KIAA0319: variants seen among roughly 807,000 people sequenced by gnomAD.
The protein encoded by KIAA0319 is KIAA0319, also known as dyslexia-associated protein KIAA0319.
KIAA0319 carries 83 observed loss-of-function variants against 108.4 expected under a neutral mutation model. That is an observed-to-expected ratio of 0.77 (90% CI 0.64 to 0.92). KIAA0319 has a LOEUF of 0.92. KIAA0319 is among the 40% of genes least tolerant of loss of function. The probability of loss-of-function intolerance (pLI) is 0.00; values close to 1 mark genes in which losing one functional copy is unlikely to be tolerated. For missense variants in KIAA0319, 1,195 were observed against 1,322.4 expected, an observed-to-expected ratio of 0.90 and a Z score of 1.49; for synonymous variants, 484 against 510.4, an observed-to-expected ratio of 0.95 and a Z score of 0.70.
chr6:24,616,025 T>C (rs1249736847), intron 1 of KIAA0319, among the ~76,000 whole-genome samples: 1 of 152,250 alleles, frequency 6.6e-6, no homozygotes, highest in Non-Finnish European at 1.5e-5. Flanking sequence ...CAGTGCTTTC[T>C]AGAACTGAAA....
Position 24,569,891 on chromosome 6 carries a change from G to A in KIAA0319, c.1991+12C>T, listed in dbSNP as rs755107346. 4.3e-6 allele frequency: 7 copies of A among 1,613,690 alleles called. No homozygotes were observed. The highest frequency in any genetic ancestry group is 1.1e-5 in the South Asian group (1 of 91,014). On this transcript the variant is annotated intron_variant, in intron 12 of 20. Coordinates refer to ENST00000378214, the MANE Select transcript of KIAA0319 (RefSeq NM_014809.4). Reference sequence around the variant, plus strand: ...ATGGGCATGAACCTAGCTCAGTGGCGAGACAGACTACCTGACGTGCTCCCA... The same window carrying A: ...ATGGGCATGAACCTAGCTCAGTGGCAAGACAGACTACCTGACGTGCTCCCA...
At chr6:24,577,102 C>T (rs1765660621) in intron 9 of KIAA0319, among the ~76,000 whole-genome samples, 1 of 152,150 alleles carries the variant, frequency 6.6e-6, no homozygotes, top group Non-Finnish European at 1.5e-5. Flanking sequence ...GCTTTTGCTG[C>T]TGTTGGCTAT....
intron 20 of KIAA0319, among the ~76,000 whole-genome samples, chr6:24,550,339 C>G (rs1276512856): frequency 6.6e-6 from 1 of 152,258 alleles, no homozygotes; most frequent in Non-Finnish European, 1.5e-5. Flanking sequence ...GCATTCAACA[C>G]TCACTGTGAA....
chr6:24,643,537 A>G (rs1777232183), intron 1 of KIAA0319, among the ~76,000 whole-genome samples: 2 of 152,138 alleles, frequency 1.3e-5, no homozygotes, highest in Admixed American at 6.6e-5. Context: ...AATTGACATG[A>G]TTTTATGATT....
At chr6:24,565,934 G>A (rs1561945994) in intron 14 of KIAA0319, among the ~76,000 whole-genome samples, 1 of 152,148 alleles carries the variant, frequency 6.6e-6, no homozygotes, top group Non-Finnish European at 1.5e-5. Context: ...AAATACGAAG[G>A]ATGGAAAAGC....
rs1768102655 is a variant in KIAA0319 at position 24,589,439 on chromosome 6, C to G, written c.802-654G>C. 2.6e-5 allele frequency among the ~76,000 whole-genome samples: 4 copies of G among 152,174 alleles called. No individual in the cohort carries two copies. In the South Asian group the frequency reaches 8.3e-4, roughly 31 times the overall value. On this transcript the variant is annotated intron_variant, in intron 3 of 20. Coordinates refer to ENST00000378214, the MANE Select transcript of KIAA0319 (RefSeq NM_014809.4). ...CTGATATGGCTAGGCTTTGTGCCCC[C>G]ACCCAAATCTCATCTTGAATTATAA...
intron 17 of KIAA0319, among the ~76,000 whole-genome samples, chr6:24,557,001 TCCAGACCA>T (rs1762391994): frequency 6.6e-6 from 1 of 152,126 alleles, no homozygotes; most frequent in South Asian, 2.1e-4. Flanking sequence ...GGTCAGGAGA[TCCAGACCA>T]TCCTGACCAA....
At chr6:24,626,454 C>T (rs1406617196) in intron 1 of KIAA0319, among the ~76,000 whole-genome samples, 1 of 152,152 alleles carries the variant, frequency 6.6e-6, no homozygotes, top group Non-Finnish European at 1.5e-5. Flanking sequence ...ATCGCTTGAA[C>T]CTGGCAGGTG....
rs758447360 is a variant in KIAA0319, at chr6:24,547,136, G to C, written c.*29C>G. 6.2e-7 allele frequency: 1 copy of C among 1,611,310 alleles called. No homozygotes were observed. Among genetic ancestry groups the C allele is most frequent in the South Asian group, 1.1e-5 (1 of 90,896 alleles). ...CACTGACTGGTCTTGGATTCAAGGG[G>C]TCCTTCCACTTTACAATGAACTGCG... On this transcript the variant is annotated 3_prime_UTR_variant, in exon 21 of 21. Coordinates refer to ENST00000378214, the MANE Select transcript of KIAA0319 (RefSeq NM_014809.4).
intron 1 of KIAA0319, among the ~76,000 whole-genome samples, chr6:24,609,298 A>T (rs1336090887): frequency 2.6e-5 from 4 of 150,956 alleles, no homozygotes; most frequent in Non-Finnish European, 5.9e-5. Flanking sequence ...AAGAAAAAAA[A>T]AAAAAGAAAG....
At chr6:24,586,955 GC>G (rs1767595620) in intron 4 of KIAA0319, among the ~76,000 whole-genome samples, 1 of 151,804 alleles carries the variant, frequency 6.6e-6, no homozygotes, top group South Asian at 2.1e-4. Flanking sequence ...CAGTCCTCAG[GC>G]CTCTCCTCAG....
rs907981472 is a variant in KIAA0319, at chr6:24,602,798, C to T, written c.-105-1590G>A. 2.0e-5 allele frequency among the ~76,000 whole-genome samples: 3 copies of T among 146,348 alleles called. No homozygotes were observed. In the East Asian group the frequency reaches 5.8e-4, roughly 28 times the overall value. Reference sequence around the variant, plus strand: ...CCTGGGCTACACAGCGAGACCCCGTCTCAAAAAAAACAAAAAAAGAAAAGA... The same window carrying T: ...CCTGGGCTACACAGCGAGACCCCGTTTCAAAAAAAACAAAAAAAGAAAAGA... On this transcript the variant is annotated intron_variant, in intron 1 of 20. Transcript: ENST00000378214.
Position 24,580,917 on chromosome 6 carries a change from C to G in KIAA0319, c.1279+9G>C, listed in dbSNP as rs144382827. ...TACAACAGGAGGTCATTCTCTTACA[C>G]CGGCTTACCAGGCTTAACAGTGACA... On this transcript the variant is annotated intron_variant, in intron 7 of 20. Coordinates refer to ENST00000378214, the MANE Select transcript of KIAA0319 (RefSeq NM_014809.4). 5.2e-5 allele frequency: 83 copies of G among 1,591,574 alleles called. No individual in the cohort carries two copies. In the African/African-American group the frequency reaches 1.1e-3, roughly 21 times the overall value.
intron 3 of KIAA0319, among the ~76,000 whole-genome samples, chr6:24,589,408 T>C (rs1768091932): frequency 6.6e-6 from 1 of 152,190 alleles, no homozygotes; most frequent in Admixed American, 6.5e-5. Flanking sequence ...GCCACCCAGT[T>C]CATGGCTGAT....
intron 1 of KIAA0319, among the ~76,000 whole-genome samples, chr6:24,624,011 T>G (rs1774337061): frequency 1.0e-5 from 1 of 95,928 alleles, no homozygotes; most frequent in East Asian, 4.4e-4. Flanking sequence ...TGAATTTCTT[T>G]GTTTTCTTTT....
At chr6:24,572,753 G>T in intron 10 of KIAA0319, 55 bp from the exon 11 acceptor site, 1 of 1,483,864 alleles carries the variant, frequency 6.7e-7, no homozygotes, top group Non-Finnish European at 9.1e-7. Flanking sequence ...AAGTAAAGAA[G>T]CACAAGTAAA....
chr6:24,559,675 T>C (rs1762826934), intron 16 of KIAA0319, among the ~76,000 whole-genome samples: 2 of 145,454 alleles, frequency 1.4e-5, no homozygotes, highest in Admixed American at 6.8e-5. Flanking sequence ...ATACACAAAA[T>C]AACTTGCAGA....
chr6:24,547,913 A>G (rs1379182848), intron 20 of KIAA0319, among the ~76,000 whole-genome samples: 9 of 152,202 alleles, frequency 5.9e-5, no homozygotes, highest in Non-Finnish European at 1.3e-4. Context: ...CACGCCTATA[A>G]TCCCAGCCCT....
intron 16 of KIAA0319, 47 bp from the exon 17 acceptor site, chr6:24,559,202 A>G (rs1235380598): frequency 1.9e-6 from 3 of 1,595,612 alleles, no homozygotes; most frequent in Non-Finnish European, 2.6e-6. Context: ...TCAGATGGTG[A>G]CTACCATGAC....
Sources: allele counts gnomAD v4.1 joint callset (sites outside exome capture counted in the v4.1 genomes callset), GRCh38; gene constraint gnomAD v4.1.1; transcripts MANE v1.5; gene names NCBI Gene and HGNC (gene_info 2026-07-23, HGNC 2026-07-21).